The following NRG1 variants were observed in gnomAD, a reference collection of about 807,000 sequenced individuals.
NRG1 encodes the protein pro-neuregulin-1, membrane-bound isoform.
In NRG1, 18 loss-of-function variants were observed where a neutral mutation model predicts 63.8. The ratio of observed to expected loss-of-function variants is 0.28; its 90% CI spans 0.19 to 0.42. NRG1 has a LOEUF of 0.42. Among genes scored for constraint, NRG1 ranks in the 10% least tolerant of loss-of-function variants. NRG1 has a pLI of 1.00. For missense variants in NRG1, 762 were observed against 814.7 expected (o/e 0.94, Z 0.79); for synonymous variants, 302 against 301.3 (o/e 1.00, Z -0.02).
intron 1 of NRG1, among the ~76,000 whole-genome samples, chr8:32,389,706 G>A (rs1015870431): frequency 6.6e-6 from 1 of 151,480 alleles, no homozygotes; most frequent in Non-Finnish European, 1.5e-5. Flanking sequence ...TGCTTCCAAT[G>A]TTGTACAGAC....
At chr8:32,228,625 T>G (rs1306674621) in intron 1 of NRG1, among the ~76,000 whole-genome samples, 1 of 152,212 alleles carries the variant, frequency 6.6e-6, no homozygotes, top group Non-Finnish European at 1.5e-5. Flanking sequence ...GTTCAGTAAA[T>G]CGATTTTCCT....
chr8:32,363,662 T>C (rs550552013), intron 1 of NRG1, among the ~76,000 whole-genome samples: 1 of 152,264 alleles, frequency 6.6e-6, no homozygotes, highest in African/African-American at 2.4e-5. Context: ...TTATCTCTCT[T>C]GGTACCTCTC....
At chr8:32,447,649 G>T (rs1351376956) in intron 1 of NRG1, among the ~76,000 whole-genome samples, 6 of 152,076 alleles carry the variant, frequency 3.9e-5, no homozygotes, top group African/African-American at 1.4e-4. Flanking sequence ...AGAGAGGATC[G>T]CTTCAGCCCA....
At chr8:31,856,872 G>C (rs1364662297) in intron 1 of NRG1, among the ~76,000 whole-genome samples, 1 of 152,036 alleles carries the variant, frequency 6.6e-6, no homozygotes, top group East Asian at 1.9e-4. Flanking sequence ...GTACCCGGCC[G>C]TGTGAGGTGT....
chr8:32,229,800 C>T (rs1354571746), intron 1 of NRG1, among the ~76,000 whole-genome samples: 1 of 152,040 alleles, frequency 6.6e-6, no homozygotes, highest in Non-Finnish European at 1.5e-5. Flanking sequence ...CTACTCCAGT[C>T]GGTTTTGGGT....
At chr8:31,814,624 CT>C (rs1823259652) in intron 1 of NRG1, among the ~76,000 whole-genome samples, 1 of 149,644 alleles carries the variant, frequency 6.7e-6, no homozygotes, top group Admixed American at 6.7e-5. Context: ...CGTGTTTCCC[CT>C]AATAATTAAT....
intron 1 of NRG1, among the ~76,000 whole-genome samples, chr8:32,270,690 A>G (rs955546790): frequency 6.6e-6 from 1 of 152,206 alleles, no homozygotes; most frequent in African/African-American, 2.4e-5. Flanking sequence ...ACTTTGCTAG[A>G]GGTGATTTGC....
chr8:32,749,487 G>C (rs773164176), intron 7 of NRG1: 48 of 1,423,084 alleles, frequency 3.4e-5, no homozygotes, highest in Non-Finnish European at 4.7e-5. Flanking sequence ...ATGTGTTTTG[G>C]AGTGCAGTGT....
chr8:32,231,001 A>T (rs1435918886), intron 1 of NRG1, among the ~76,000 whole-genome samples: 1 of 152,076 alleles, frequency 6.6e-6, no homozygotes, highest in Non-Finnish European at 1.5e-5. Flanking sequence ...TGCACCCATT[A>T]ACCATCCCCA....
chr8:32,415,568 A>G (rs1204564533), intron 1 of NRG1, among the ~76,000 whole-genome samples: 1 of 152,066 alleles, frequency 6.6e-6, no homozygotes, highest in Non-Finnish European at 1.5e-5. Context: ...AGTCAGCCTC[A>G]TGTTTATTCT....
At chr8:32,338,099 C>T (rs753227078) in intron 1 of NRG1, among the ~76,000 whole-genome samples, 8 of 152,204 alleles carry the variant, frequency 5.3e-5, no homozygotes, top group Non-Finnish European at 8.8e-5. Flanking sequence ...TTAAGATAAG[C>T]ATAATACATC....
intron 1 of NRG1, among the ~76,000 whole-genome samples, chr8:32,082,325 C>A (rs951263260): frequency 1.3e-5 from 2 of 151,700 alleles, no homozygotes; most frequent in African/African-American, 4.8e-5. Flanking sequence ...AAGCCTGTTA[C>A]CCAATAGGTA....
At chr8:32,004,960 T>C (rs928993894) in intron 1 of NRG1, among the ~76,000 whole-genome samples, 1 of 150,714 alleles carries the variant, frequency 6.6e-6, no homozygotes, top group African/African-American at 2.4e-5. Context: ...AAAAATAGGA[T>C]TTGAGAATAT....
rs150434062 is a variant in NRG1, at chr8:32,605,668, A to G, written c.385A>G (p.Ile129Val). ...TGACAGTGCCTCTGCCAATATCACC[A>G]TCGTGGAATCAAACGGTAAGAGATA... The change falls in exon 3 of 12, where the codon ATC becomes GTC. Residue 129 changes from isoleucine (I) to valine (V), a missense_variant. This residue lies in a region of NRG1 where 122 missense variants were observed against 190.1 expected (regional missense o/e 0.64). Transcript: ENST00000356819. The G allele has an allele frequency of 8.1e-6, 13 of 1,613,096 alleles. No homozygotes were observed. The African/African-American group carries it at 1.5e-4, about 18-fold the overall frequency.
At chr8:32,040,745 AGGCG>A (rs1563713445) in intron 1 of NRG1, among the ~76,000 whole-genome samples, 351 of 22,552 alleles carry the variant, frequency 0.016, 1 homozygote, top group Non-Finnish European at 0.05. Flanking sequence ...TATGAAATTT[AGGCG>A]CATATATATA....
At chr8:32,383,080 G>A (rs1262709776) in intron 1 of NRG1, among the ~76,000 whole-genome samples, 1 of 150,868 alleles carries the variant, frequency 6.6e-6, no homozygotes, top group African/African-American at 2.4e-5. Context: ...AAAAAAATTA[G>A]ATGGGCATGG....
chr8:31,686,854 C>T (rs1022182413), intron 1 of NRG1, among the ~76,000 whole-genome samples: 4 of 151,998 alleles, frequency 2.6e-5, no homozygotes, highest in Non-Finnish European at 4.4e-5. Flanking sequence ...CTGCAACCTC[C>T]GCTTCCTTGG....
chr8:32,237,313 C>T (rs1203840779), intron 1 of NRG1, among the ~76,000 whole-genome samples: 1 of 152,152 alleles, frequency 6.6e-6, no homozygotes, highest in Non-Finnish European at 1.5e-5. Context: ...TTCATTATGT[C>T]CACTTTCTTT....
chr8:32,558,820 C>G (rs1452171753), intron 1 of NRG1, among the ~76,000 whole-genome samples: 1 of 152,016 alleles, frequency 6.6e-6, no homozygotes, highest in Non-Finnish European at 1.5e-5. Context: ...GTGGCTCATG[C>G]CTGTAATCCC....
Sources: allele counts gnomAD v4.1 joint callset (sites outside exome capture counted in the v4.1 genomes callset), GRCh38; gene constraint gnomAD v4.1.1; regional missense constraint gnomAD v4.1.1; transcripts MANE v1.5; gene names NCBI Gene and HGNC (gene_info 2026-07-23, HGNC 2026-07-21).